BAIAP2L2: variants seen among roughly 807,000 people sequenced by gnomAD.
BAIAP2L2 encodes BAR/IMD domain-containing adapter protein 2-like 2.
BAIAP2L2 carries 65 observed loss-of-function variants against 60.4 expected under a neutral mutation model. The observed-to-expected ratio is 1.08, with a 90% CI of 0.88 to 1.32. The LOEUF is 1.32. Ranked by LOEUF, BAIAP2L2 falls within the 40% of genes most tolerant of loss-of-function variation. BAIAP2L2 has a pLI of 0.00. For missense variants in BAIAP2L2, 836 were observed against 741.2 expected, an observed-to-expected ratio of 1.13 and a Z score of -1.48; for synonymous variants, 344 against 301.7, an observed-to-expected ratio of 1.14 and a Z score of -1.45.
chr22:38,092,077 C>A (rs920894225), intron 7 of BAIAP2L2, among the ~76,000 whole-genome samples: 1 of 152,218 alleles, frequency 6.6e-6, no homozygotes, highest in Non-Finnish European at 1.5e-5. Context: ...TATTCTTGGG[C>A]TTACCAATTC....
At chr22:38,097,369 C>T (rs1221360468) in intron 6 of BAIAP2L2, among the ~76,000 whole-genome samples, 191 bp from the exon 7 acceptor site, 1 of 152,164 alleles carries the variant, frequency 6.6e-6, no homozygotes, top group African/African-American at 2.4e-5. Flanking sequence ...TGAGTCTGGG[C>T]CCTGCGTCTC....
rs1601994344 is a variant in BAIAP2L2 at position 38,088,932 on chromosome 22, G to A, written c.934C>T (p.Arg312Cys). The A allele has an allele frequency of 1.3e-6, 2 of 1,540,420 alleles. No individual in the cohort carries two copies. The highest frequency in any genetic ancestry group is 1.7e-6 in the Non-Finnish European group (2 of 1,149,664). Reference sequence around the variant, plus strand: ...GGGCGCTCGCCAAAGGAGTTGGAGCGCGAGCTTTGGGCGCTGCCGCTGTAG... The same window carrying A: ...GGGCGCTCGCCAAAGGAGTTGGAGCACGAGCTTTGGGCGCTGCCGCTGTAG... ...SLYSGSAQSS[R>C]SNSFGERPGG... The change falls in exon 10 of 14, where the codon CGC (arginine) becomes TGC (cysteine). Residue 312 changes from arginine to cysteine, a missense_variant. Coordinates refer to ENST00000381669, the MANE Select transcript of BAIAP2L2 (RefSeq NM_025045.6).
intron 4 of BAIAP2L2, among the ~76,000 whole-genome samples, chr22:38,101,110 T>C (rs1449790953): frequency 6.6e-6 from 1 of 152,124 alleles, no homozygotes; most frequent in Non-Finnish European, 1.5e-5. Flanking sequence ...TTCATCTTAT[T>C]GTATGTAAAC....
Position 38,088,777 on chromosome 22 carries a change from C to T in BAIAP2L2, c.1089G>A (p.Trp363Ter). 6.2e-7 allele frequency: 1 copy of T among 1,600,786 alleles called. No individual in the cohort carries two copies. The highest frequency in any genetic ancestry group is 8.5e-7 in the Non-Finnish European group (1 of 1,179,486). ...ACGAGCCCTCCAGCTTGCCGTAGAG[C>T]CAGCCGTTCTGGGCCTCGGGCACCA... is the stretch of plus-strand genomic sequence containing the variant. ...EVLVPEAQNG[W>*]LYGKLEGSSA... The change falls in exon 10 of 14, where the codon TGG (tryptophan) becomes TGA (stop). Residue 363 changes from tryptophan to a stop codon, truncating the protein, a stop_gained. Transcript: ENST00000381669. LOFTEE classifies it high-confidence loss of function.
chr22:38,108,666 C>T (rs6001007), intron 2 of BAIAP2L2, among the ~76,000 whole-genome samples: 2,286 of 152,040 alleles, frequency 0.015, 21 homozygotes, highest in African/African-American at 0.03. Flanking sequence ...AGGGTTTGCA[C>T]GGGGACCGAG....
chr22:38,100,441 G>A (rs574991426), intron 4 of BAIAP2L2, among the ~76,000 whole-genome samples: 209 of 152,066 alleles, frequency 1.4e-3, no homozygotes, highest in Admixed American at 3.1e-3. Context: ...CAGGAGAATC[G>A]CTTGAACCCT....
chr22:38,099,043 T>C (rs2086509792), intron 4 of BAIAP2L2, among the ~76,000 whole-genome samples: 1 of 152,218 alleles, frequency 6.6e-6, no homozygotes, highest in African/African-American at 2.4e-5. Flanking sequence ...CAGAAGCTGT[T>C]GAGGTCTCAG....
chr22:38,105,339 CTTTTTTTTTTTT>C (rs1035690122), intron 4 of BAIAP2L2, among the ~76,000 whole-genome samples: 1 of 94,966 alleles, frequency 1.1e-5, no homozygotes, highest in African/African-American at 3.5e-5. Flanking sequence ...TTTTTCTTTT[CTTTTTTTTTTTT>C]TTTTTTTTGA....
In BAIAP2L2 at chr22:38,108,268, G is replaced by A. The variant is rs1200336806; in HGVS notation, c.201C>T (p.Thr67=). 2.5e-6 allele frequency: 4 copies of A among 1,612,538 alleles called. No individual in the cohort carries two copies. The South Asian group carries it at 4.4e-5, about 18-fold the overall frequency. ...GGGGAGCCTCACCCAGAATCTGTGA[G>A]GTGGGGCTCTGCAGGGCACGCTCCC... ...KIGERALQSP[T]SQILGEILVQ... is the part of the protein sequence containing the mutation. Residue 67 remains threonine (T), a synonymous_variant, in exon 3 of 14, where the codon ACC becomes ACT. Transcript: ENST00000381669.
At position 38,103,905 on chromosome 22, in the gene BAIAP2L2, C is replaced by T. The variant is rs1358730680; in HGVS notation, c.276+3947G>A. ...AAGCTTCCACTGGCCAAAAATAGGACATTTTCAACTTCAGTAAACGTAATA... is the reference window on the plus strand; with the variant it reads ...AAGCTTCCACTGGCCAAAAATAGGATATTTTCAACTTCAGTAAACGTAATA... On this transcript the variant is annotated intron_variant, in intron 4 of 13. Coordinates refer to ENST00000381669, the MANE Select transcript of BAIAP2L2 (RefSeq NM_025045.6). 2.0e-5 allele frequency among the ~76,000 whole-genome samples: 3 copies of T among 148,802 alleles called. No homozygotes were observed. The East Asian group carries it at 5.9e-4, about 29-fold the overall frequency.
rs1555961923 is a variant in BAIAP2L2 at position 38,087,164 on chromosome 22, G to GTGTCATGGA, written c.1218_1219insTCCATGACA (p.Ser406_Pro407insSerMetThr). The GTGTCATGGA allele has an allele frequency of 9.3e-5, 145 of 1,564,368 alleles. No individual in the cohort carries two copies. Among genetic ancestry groups the GTGTCATGGA allele is most frequent in the Admixed American group, 3.4e-4 (19 of 55,832 alleles). On this transcript the variant is annotated inframe_insertion, in exon 11 of 14. Transcript: ENST00000381669. ...TTCCCGGGGTTCATGGGTGTCATGG[G>GTGTCATGGA]GGACATGGAGGTCATGGAGGTCATG...
chr22:38,098,035 G>GC, intron 6 of BAIAP2L2, 28 bp downstream of exon 6: 3 of 977,986 alleles, frequency 3.1e-6, no homozygotes, highest in African/African-American at 1.5e-5. Flanking sequence ...GCCCTTCCTG[G>GC]CCCACCCCCG....
rs1555962112 is a variant in BAIAP2L2, at chr22:38,087,188, T to TGGAGGTCAC, written c.1194_1195insGTGACCTCC (p.Pro398_Met399insValThrSer). On this transcript the variant is annotated inframe_insertion, in exon 11 of 14. Transcript: ENST00000381669. ...GGGGACATGGAGGTCATGGAGGTCATGGGGGTCACGGGGGTCATGGGATTC... is the reference window on the plus strand; with the variant it reads ...GGGGACATGGAGGTCATGGAGGTCATGGAGGTCACGGGGGTCACGGGGGTCATGGGATTC... The TGGAGGTCAC allele has an allele frequency of 4.7e-5, 76 of 1,601,012 alleles. No individual in the cohort carries two copies. The highest frequency in any genetic ancestry group is 6.3e-5 in the Non-Finnish European group (74 of 1,175,484).
chr22:38,099,803 A>G (rs2086527340), intron 4 of BAIAP2L2, among the ~76,000 whole-genome samples: 1 of 152,146 alleles, frequency 6.6e-6, no homozygotes, highest in South Asian at 2.1e-4. Flanking sequence ...CTCTGTCCAC[A>G]CACCCTTTTC....
upstream of BAIAP2L2, chr22:38,110,781 C>T (rs1457250408): frequency 5.9e-6 from 3 of 510,036 alleles, no homozygotes; most frequent in Non-Finnish European, 1.0e-5. Context: ...GCTCGTGTGA[C>T]CTGCCCTTCA....
rs2086026190 is a variant in BAIAP2L2, at chr22:38,085,347, G to A, written c.1543C>T (p.Leu515Phe). Residue 515 changes from leucine to phenylalanine, a missense_variant, in exon 14 of 14, where the codon CTT (leucine) becomes TTT (phenylalanine). Physicochemically the swap from Leu to Phe is conservative, Grantham distance 22. Coordinates refer to ENST00000381669, the MANE Select transcript of BAIAP2L2 (RefSeq NM_025045.6). ...RGTNPFATVK[L>F]RPTITNDRSA... The stretch of plus-strand genomic sequence containing the variant: ...CGGTCATTGGTGATGGTGGGACGAA[G>A]CTTGACAGTGGCAAAAGGATTTGTG... The A allele has an allele frequency of 4.3e-6, 7 of 1,614,106 alleles. No homozygotes were observed. The highest frequency in any genetic ancestry group is 2.2e-5 in the East Asian group (1 of 44,878).
chr22:38,098,165 G>C lies in BAIAP2L2; in HGVS notation c.363C>G (p.His121Gln). ...CTCGGTGGCGGTACTCGAGCTCATA[G>C]TGCTGGCGGCTGTCCTGGGGTAGGG... Reference protein sequence around the residue: ...DMQFIKDSRQHYELEYRHRAA... With the variant: ...DMQFIKDSRQQYELEYRHRAA... Residue 121 changes from histidine to glutamine, a missense_variant, in exon 6 of 14, where the codon CAC becomes CAG. Physicochemically the swap from His to Gln is conservative, Grantham distance 24. Transcript: ENST00000381669. The C allele has an allele frequency of 6.2e-7, 1 of 1,614,104 alleles. No individual in the cohort carries two copies. The highest frequency in any genetic ancestry group is 1.1e-5 in the South Asian group (1 of 91,082).
chr22:38,099,616 T>G (rs186318456), intron 4 of BAIAP2L2, among the ~76,000 whole-genome samples: 220 of 152,112 alleles, frequency 1.4e-3, no homozygotes, highest in African/African-American at 5.1e-3. Context: ...TGGGCCCAGG[T>G]GATGCCCTGG....
At chr22:38,105,363 A>T in intron 4 of BAIAP2L2, among the ~76,000 whole-genome samples, 1 of 126,694 alleles carries the variant, frequency 7.9e-6, no homozygotes, top group Non-Finnish European at 1.6e-5. Context: ...TTTTTTTGAG[A>T]CAGAGTCTCA....
Sources: gnomAD v4.1 joint callset for allele counts (sites outside exome capture counted in the v4.1 genomes callset) on GRCh38, gnomAD v4.1.1 for gene constraint, MANE v1.5 for transcripts, NCBI Gene and HGNC (gene_info 2026-07-23, HGNC 2026-07-21) for gene names.